The following PAK3 variants were observed in gnomAD, a reference collection of about 807,000 sequenced individuals.
The protein encoded by PAK3 is serine/threonine-protein kinase PAK 3.
A neutral mutation model predicts 41.0 loss-of-function variants in PAK3; 4 were observed. The ratio of observed to expected loss-of-function variants is 0.10; its 90% CI spans 0.05 to 0.22. The LOEUF (loss-of-function observed/expected upper bound fraction) is 0.22. PAK3 is among the 10% of genes least tolerant of loss of function. The probability of loss-of-function intolerance (pLI) is 1.00; values close to 1 mark genes in which losing one functional copy is unlikely to be tolerated. For synonymous variants in PAK3, 146 were observed against 139.6 expected (o/e 1.05, Z -0.32); for missense variants, 205 against 409.9 (o/e 0.50, Z 4.32).
intron 3 of PAK3, among the ~76,000 whole-genome samples, chrX:111,101,854 C>G (rs1431658602): frequency 8.9e-6 from 1 of 112,211 alleles, no homozygotes; most frequent in Non-Finnish European, 1.9e-5. Context: ...GACAGACATG[C>G]TCTGGAGTCT....
Position 111,225,819 on chromosome X carries a change from C to T in PAK3, c.*5372C>T, listed in dbSNP as rs1210319674. 1 of 111,567 alleles carries T rather than the reference C, an allele frequency of 9.0e-6. No homozygotes were observed. The highest frequency in any genetic ancestry group is 3.3e-5 in the African/African-American group (1 of 30,662). 9.2% of individuals were successfully genotyped at this position (111,567 alleles called of 1,213,427 possible). A position where few individuals can be genotyped will look rare whatever the true frequency, so the allele number is the denominator to read the frequency against. On this transcript the variant is annotated 3_prime_UTR_variant, in exon 18 of 18. Coordinates refer to ENST00000372007, the MANE Select transcript of PAK3 (RefSeq NM_002578.5). ...CCTGCTATAGTGATGGCAAATATCA[C>T]GTTTAAGCCTGAGTCTCTTATGTTG...
At chrX:111,047,746 G>C (rs1041009254) in intron 1 of PAK3, among the ~76,000 whole-genome samples, 1 of 111,364 alleles carries the variant, frequency 9.0e-6, no homozygotes, top group Non-Finnish European at 1.9e-5. Flanking sequence ...TTAGAGCAGG[G>C]GAATTGCATC....
At chrX:111,076,132 T>C (rs1356852106) in intron 1 of PAK3, among the ~76,000 whole-genome samples, 1 of 111,926 alleles carries the variant, frequency 8.9e-6, no homozygotes. Flanking sequence ...GAGTTGGGAC[T>C]TTTGAATTAA....
chrX:111,071,764 G>A (rs1246749517), intron 1 of PAK3, among the ~76,000 whole-genome samples: 1 of 112,018 alleles, frequency 8.9e-6, no homozygotes, highest in Non-Finnish European at 1.9e-5. Context: ...TCTAATTCAA[G>A]TCCACATGTT....
intron 11 of PAK3, among the ~76,000 whole-genome samples, chrX:111,189,884 C>T (rs1486615479): frequency 2.7e-5 from 3 of 111,734 alleles, no homozygotes; most frequent in East Asian, 2.8e-4. Flanking sequence ...AATGTTTGTT[C>T]GCTTATTCCA....
At chrX:111,187,516 A>G (rs2149300502) in intron 11 of PAK3, among the ~76,000 whole-genome samples, 1 of 111,668 alleles carries the variant, frequency 9.0e-6, no homozygotes, top group Non-Finnish European at 1.9e-5. Flanking sequence ...TACTTGAACC[A>G]GGGGAGGTTT....
intron 1 of PAK3, among the ~76,000 whole-genome samples, chrX:111,002,193 A>G (rs755776388): frequency 1.8e-5 from 2 of 111,883 alleles, no homozygotes; most frequent in African/African-American, 6.5e-5. Flanking sequence ...AATGCCTTGC[A>G]TGTATTGTTT....
intron 5 of PAK3, among the ~76,000 whole-genome samples, chrX:111,141,469 G>A (rs1016050281): frequency 1.8e-5 from 2 of 111,790 alleles, no homozygotes; most frequent in African/African-American, 6.5e-5. Flanking sequence ...AGTAAAAAAA[G>A]CAGCAATTTG....
intron 1 of PAK3, among the ~76,000 whole-genome samples, chrX:110,969,779 C>A (rs1451106942): frequency 8.9e-6 from 1 of 111,888 alleles, no homozygotes; most frequent in South Asian, 3.7e-4. Flanking sequence ...AACAATTACT[C>A]TTGCTTGATT....
chrX:111,029,026 A>G (rs1232703195), intron 1 of PAK3, among the ~76,000 whole-genome samples: 4 of 111,507 alleles, frequency 3.6e-5, no homozygotes, highest in Admixed American at 9.6e-5. Flanking sequence ...AATCCCAGCT[A>G]TTTGAGAGGC....
At chrX:111,039,183 AC>A (rs1277613525) in intron 1 of PAK3, among the ~76,000 whole-genome samples, 2 of 112,359 alleles carry the variant, frequency 1.8e-5, no homozygotes, top group Non-Finnish European at 3.8e-5. Flanking sequence ...GGCAGCTTAA[AC>A]CTGCCACCCT....
chrX:110,969,094 ATTTTTTTTTTTTT>A (rs60724970), intron 1 of PAK3, among the ~76,000 whole-genome samples: 509 of 40,614 alleles, frequency 0.013, 8 homozygotes, highest in Middle Eastern at 0.062. Context: ...GACCTGCCTA[ATTTTTTTTTTTTT>A]TTTTTTTTTT....
chrX:110,949,377 G>T (rs2090692767), intron 1 of PAK3, among the ~76,000 whole-genome samples: 1 of 111,742 alleles, frequency 8.9e-6, no homozygotes, highest in Non-Finnish European at 1.9e-5. Flanking sequence ...ATTCATGGTG[G>T]ATGATTTGAT....
chrX:110,947,199 A>G (rs1319499356), intron 1 of PAK3, among the ~76,000 whole-genome samples: 1 of 111,901 alleles, frequency 8.9e-6, no homozygotes, highest in East Asian at 2.8e-4. Flanking sequence ...ATGAAGACCA[A>G]AAATAGCCCT....
At chrX:111,002,002 G>A (rs2091855673) in intron 1 of PAK3, among the ~76,000 whole-genome samples, 1 of 110,997 alleles carries the variant, frequency 9.0e-6, no homozygotes, top group African/African-American at 3.3e-5. Context: ...ACTGCATAAG[G>A]TATTACTATA....
chrX:111,001,473 G>A (rs928459048), intron 1 of PAK3, among the ~76,000 whole-genome samples: 1 of 112,216 alleles, frequency 8.9e-6, no homozygotes, highest in Non-Finnish European at 1.9e-5. Context: ...CACAGCCTGT[G>A]ACATCTTCCT....
chrX:111,180,815 A>T (rs972067409), intron 11 of PAK3, among the ~76,000 whole-genome samples: 1 of 112,107 alleles, frequency 8.9e-6, no homozygotes, highest in African/African-American at 3.2e-5. Context: ...CTAAATGGAC[A>T]TAGACATTTA....
intron 10 of PAK3, among the ~76,000 whole-genome samples, chrX:111,171,367 G>C (rs1050376047): frequency 5.4e-5 from 6 of 110,651 alleles, no homozygotes; most frequent in Non-Finnish European, 1.1e-4. Flanking sequence ...AGGTGGGCCA[G>C]AGGCCTCCAA....
intron 5 of PAK3, among the ~76,000 whole-genome samples, chrX:111,138,989 A>AACACAC: frequency 9.3e-6 from 1 of 107,141 alleles, no homozygotes; most frequent in African/African-American, 3.4e-5. Context: ...AACAAACAAC[A>AACACAC]ACACACACAC....
Sources: allele counts gnomAD v4.1 joint callset (sites outside exome capture counted in the v4.1 genomes callset), GRCh38; gene constraint gnomAD v4.1.1; transcripts MANE v1.5; gene names NCBI Gene and HGNC (gene_info 2026-07-23, HGNC 2026-07-21).